The following SPHKAP variants were observed in gnomAD, a reference collection of about 807,000 sequenced individuals.
The protein encoded by SPHKAP is A-kinase anchor protein SPHKAP.
A neutral mutation model predicts 137.5 loss-of-function variants in SPHKAP; 67 were observed. That is an observed-to-expected ratio of 0.49 (90% CI 0.40 to 0.60). SPHKAP has a LOEUF of 0.60. Among genes scored for constraint, SPHKAP ranks in the 20% least tolerant of loss-of-function variants. SPHKAP has a pLI of 0.00. For missense variants in SPHKAP, 2,097 were observed against 2,069.3 expected (o/e 1.01, Z -0.26); for synonymous variants, 813 against 785.3 (o/e 1.04, Z -0.59).
chr2:228,085,723 T>C (rs1697515059), intron 3 of SPHKAP, among the ~76,000 whole-genome samples: 1 of 152,240 alleles, frequency 6.6e-6, no homozygotes, highest in Non-Finnish European at 1.5e-5. Context: ...GCACATTAAG[T>C]GACCTCCGTT....
chr2:228,089,835 C>T (rs1697663391), intron 3 of SPHKAP, among the ~76,000 whole-genome samples: 1 of 152,188 alleles, frequency 6.6e-6, no homozygotes, highest in African/African-American at 2.4e-5. Flanking sequence ...TCTGCAGGTG[C>T]ACAGAATGCA....
At position 228,001,374 on chromosome 2, in the gene SPHKAP, AATAT is replaced by A. The variant is rs1009651254; in HGVS notation, c.4449-5684_4449-5681del. On this transcript the variant is annotated intron_variant, in intron 7 of 11. Coordinates refer to ENST00000392056, the MANE Select transcript of SPHKAP (RefSeq NM_001142644.2). The stretch of plus-strand genomic sequence containing the variant: ...ACATATATAAATATATACACACATA[AATAT>A]ATATACACATATATAAATATATATA... Among the ~76,000 whole-genome samples the A allele has an allele frequency of 1.5e-3, 210 of 143,874 alleles. 4 individuals are homozygous for A. Among genetic ancestry groups the A allele is most frequent in the East Asian group, 2.0e-3 (10 of 5,092 alleles). 94.4% of individuals were successfully genotyped at this position (143,874 alleles called of 152,430 possible). A position where few individuals can be genotyped will look rare whatever the true frequency, so the allele number is the denominator to read the frequency against.
At chr2:228,008,306 T>A (rs1694219295) in intron 7 of SPHKAP, among the ~76,000 whole-genome samples, 1 of 151,518 alleles carries the variant, frequency 6.6e-6, no homozygotes, top group Admixed American at 6.6e-5. Context: ...TTTTTTTTTT[T>A]TTTTTCCTGC....
intron 3 of SPHKAP, among the ~76,000 whole-genome samples, chr2:228,078,869 TA>T (rs1697268064): frequency 6.6e-6 from 1 of 151,932 alleles, no homozygotes; most frequent in African/African-American, 2.4e-5. Context: ...CCCCTCCAAG[TA>T]AAACCCCCAC....
intron 3 of SPHKAP, among the ~76,000 whole-genome samples, chr2:228,038,612 T>C (rs1483674113): frequency 6.6e-6 from 1 of 152,232 alleles, no homozygotes; most frequent in Non-Finnish European, 1.5e-5. Context: ...AGGATTTTTT[T>C]AAGTATGTAT....
At chr2:228,176,920 C>T (rs942866489) in intron 1 of SPHKAP, among the ~76,000 whole-genome samples, 1 of 151,990 alleles carries the variant, frequency 6.6e-6, no homozygotes, top group African/African-American at 2.4e-5. Context: ...AAACAAAAAA[C>T]CAAATACAAT....
intron 3 of SPHKAP, among the ~76,000 whole-genome samples, chr2:228,076,371 G>T (rs1379819164): frequency 6.6e-6 from 1 of 151,806 alleles, no homozygotes. Flanking sequence ...GAACAGTTTG[G>T]AAGGCTCAGA....
intron 11 of SPHKAP, among the ~76,000 whole-genome samples, chr2:227,986,069 G>A (rs1046625304): frequency 6.6e-5 from 10 of 152,144 alleles, no homozygotes; most frequent in Admixed American, 5.2e-4. Flanking sequence ...ATTGGAGTTC[G>A]TAAAACCTCC....
In SPHKAP at chr2:228,171,539, T is replaced by C. The variant is rs558748242; in HGVS notation, c.32+10028A>G. On this transcript the variant is annotated intron_variant, in intron 1 of 11. Transcript: ENST00000392056. Reference sequence around the variant, plus strand: ...AGTTAGGGGTCACCTGTCAATTATGTCAAATTCTCCTAAGAATTAAATAAG... The same window carrying C: ...AGTTAGGGGTCACCTGTCAATTATGCCAAATTCTCCTAAGAATTAAATAAG... Among the ~76,000 whole-genome samples, 25 of 152,334 alleles carry C rather than the reference T, an allele frequency of 1.6e-4. No homozygotes were observed. The South Asian group carries it at 5.0e-3, about 30-fold the overall frequency.
chr2:228,147,609 C>T (rs6753570), intron 1 of SPHKAP, among the ~76,000 whole-genome samples: 51,715 of 151,956 alleles, frequency 0.34, 9,035 homozygotes, highest in East Asian at 0.5. Flanking sequence ...TTTACGAGTT[C>T]GACCTTGGGA....
intron 3 of SPHKAP, among the ~76,000 whole-genome samples, chr2:228,030,543 C>CAACAAAAAACA (rs1695263750): frequency 2.5e-5 from 2 of 78,722 alleles, no homozygotes; most frequent in Non-Finnish European, 4.8e-5. Context: ...CAACAAAAAA[C>CAACAAAAAACA]AAAAAAAAAA....
intron 1 of SPHKAP, among the ~76,000 whole-genome samples, chr2:228,158,903 A>G (rs1050525970): frequency 5.3e-4 from 80 of 152,318 alleles, no homozygotes; most frequent in African/African-American, 1.7e-3. Context: ...CACCCCAATC[A>G]AATACCAAAT....
chr2:228,028,047 T>C (rs904884342), intron 3 of SPHKAP: 8 of 985,252 alleles, frequency 8.1e-6, no homozygotes, highest in Non-Finnish European at 9.6e-6. Flanking sequence ...CCTGCTCAGC[T>C]TCCCACTGGT....
In SPHKAP at chr2:227,993,457, C is replaced by T. The variant is rs78424407; in HGVS notation, c.4721+77G>A. 1.2e-3 allele frequency: 1,600 copies of T among 1,351,630 alleles called. 34 individuals carry two copies. In the East Asian group the frequency reaches 0.038, roughly 32 times the overall value. The allele number at this position is 1,351,630 out of a possible 1,614,324, so 83.7% of individuals were successfully genotyped here. On this transcript the variant is annotated intron_variant, in intron 9 of 11. Coordinates refer to ENST00000392056, the MANE Select transcript of SPHKAP (RefSeq NM_001142644.2). The stretch of plus-strand genomic sequence containing the variant: ...TGATGAGGTCAGTGGTTGGGCACAA[C>T]CTGAATGATCAAAATGGATTGCCAG...
At chr2:228,011,151 A>G (rs1325521775) in intron 7 of SPHKAP, among the ~76,000 whole-genome samples, 1 of 152,080 alleles carries the variant, frequency 6.6e-6, no homozygotes, top group East Asian at 1.9e-4. Context: ...ACAAAAATGC[A>G]TTAGGGTAAG....
In SPHKAP at chr2:228,018,138, C is replaced by T. The variant is rs1233905486; in HGVS notation, c.2716G>A (p.Asp906Asn). The T allele has an allele frequency of 2.5e-6, 4 of 1,614,040 alleles. No homozygotes were observed. The highest frequency in any genetic ancestry group is 1.3e-5 in the African/African-American group (1 of 74,924). ...GATTGAGCAGGAAGCAGCAGGTCAT[C>T]CCCTAACAAGGACAGGTTGACTTGA... ...EVQVNLSLLG[D>N]DLLLPAQSTL... The change falls in exon 7 of 12, where the codon GAT becomes AAT. Residue 906 changes from aspartate to asparagine, a missense_variant. Asp to Asn is a conservative substitution (Grantham distance 23). Coordinates refer to ENST00000392056, the MANE Select transcript of SPHKAP (RefSeq NM_001142644.2).
intron 3 of SPHKAP, among the ~76,000 whole-genome samples, chr2:228,076,484 G>A (rs1370819090): frequency 6.6e-6 from 1 of 152,188 alleles, no homozygotes; most frequent in African/African-American, 2.4e-5. Context: ...TCCAGGCTGA[G>A]GTGGTTTCAG....
chr2:228,034,422 T>C (rs571386614), intron 3 of SPHKAP, among the ~76,000 whole-genome samples: 1 of 152,214 alleles, frequency 6.6e-6, no homozygotes, highest in African/African-American at 2.4e-5. Flanking sequence ...CAGGACCAGA[T>C]GGATTCACAG....
At chr2:228,106,834 A>C (rs2106345227) in intron 3 of SPHKAP, among the ~76,000 whole-genome samples, 1 of 152,348 alleles carries the variant, frequency 6.6e-6, no homozygotes, top group East Asian at 1.9e-4. Context: ...TTTGGAAATT[A>C]AGAAAAGCAA....
Sources: allele counts gnomAD v4.1 joint callset (sites outside exome capture counted in the v4.1 genomes callset), GRCh38; gene constraint gnomAD v4.1.1; transcripts MANE v1.5; gene names NCBI Gene and HGNC (gene_info 2026-07-23, HGNC 2026-07-21).